Variants in SDC2 observed in about 807,000 individuals in gnomAD.
The protein encoded by SDC2 is syndecan-2.
SDC2 carries 13 observed loss-of-function variants against 22.2 expected under a neutral mutation model. The observed-to-expected ratio is 0.59, with a 90% CI of 0.38 to 0.93. The LOEUF is 0.93. Among genes scored for constraint, SDC2 ranks in the 40% least tolerant of loss-of-function variants. The pLI is 0.00. For missense variants in SDC2, 235 were observed against 246.8 expected (o/e 0.95, Z 0.32); for synonymous variants, 94 against 92.8 (o/e 1.01, Z -0.07).
chr8:96,493,992 G>T lies in SDC2; in HGVS notation c.-280G>T. ...ACAGCAGAGCAAGAAGAGCTTCAGA[G>T]AGCAGCCTTCCCGGAGCACCAACTC... On this transcript the variant is annotated 5_prime_UTR_variant, in exon 1 of 5. Coordinates refer to ENST00000302190, the MANE Select transcript of SDC2 (RefSeq NM_002998.4). The T allele has an allele frequency of 1.9e-6, 1 of 514,666 alleles. No individual in the cohort carries two copies. Among genetic ancestry groups the T allele is most frequent in the Non-Finnish European group, 3.4e-6 (1 of 295,390 alleles). The allele number at this position is 514,666 out of a possible 1,614,324, so 31.9% of individuals were successfully genotyped here.
chr8:96,523,456 A>G (rs1407502654), intron 1 of SDC2, among the ~76,000 whole-genome samples: 1 of 152,210 alleles, frequency 6.6e-6, no homozygotes, highest in East Asian at 1.9e-4. Flanking sequence ...TGCCAGGGGT[A>G]ACTCTTGGAG....
chr8:96,524,223 G>T (rs753921538), intron 1 of SDC2, among the ~76,000 whole-genome samples: 1 of 152,182 alleles, frequency 6.6e-6, no homozygotes, highest in Non-Finnish European at 1.5e-5. Context: ...GCAGCCAGAT[G>T]AACCTAAAAT....
At chr8:96,587,676 A>AT (rs1372530831) in intron 1 of SDC2, among the ~76,000 whole-genome samples, 2 of 152,080 alleles carry the variant, frequency 1.3e-5, no homozygotes, top group African/African-American at 4.8e-5. Flanking sequence ...TCTCAGTGCA[A>AT]TTTTTTCCCC....
At chr8:96,510,308 C>T (rs955541872) in intron 1 of SDC2, among the ~76,000 whole-genome samples, 3 of 152,142 alleles carry the variant, frequency 2.0e-5, no homozygotes, top group Admixed American at 6.5e-5. Flanking sequence ...TGGTTCAAGT[C>T]GCTTCAATTC....
At chr8:96,584,194 T>C (rs1413791134) in intron 1 of SDC2, among the ~76,000 whole-genome samples, 2 of 152,236 alleles carry the variant, frequency 1.3e-5, no homozygotes, top group African/African-American at 2.4e-5. Flanking sequence ...CTGAAACACT[T>C]GGAAATTCTA....
chr8:96,525,729 C>T (rs183761492), intron 1 of SDC2, among the ~76,000 whole-genome samples: 1 of 152,100 alleles, frequency 6.6e-6, no homozygotes, highest in African/African-American at 2.4e-5. Context: ...GAGGGCATCT[C>T]TTAATTTGTT....
chr8:96,592,550 C>T (rs1814798819), intron 1 of SDC2, among the ~76,000 whole-genome samples: 1 of 152,104 alleles, frequency 6.6e-6, no homozygotes, highest in Non-Finnish European at 1.5e-5. Flanking sequence ...AGTAAAATAT[C>T]AATTTACTAA....
At chr8:96,515,431 A>G (rs1813386774) in intron 1 of SDC2, among the ~76,000 whole-genome samples, 1 of 152,148 alleles carries the variant, frequency 6.6e-6, no homozygotes, top group Non-Finnish European at 1.5e-5. Context: ...CTCACAGATA[A>G]GAGGATGGAG....
At chr8:96,577,546 A>G (rs1001007963) in intron 1 of SDC2, among the ~76,000 whole-genome samples, 2 of 151,960 alleles carry the variant, frequency 1.3e-5, no homozygotes, top group African/African-American at 4.8e-5. Flanking sequence ...AGTGTGGCAC[A>G]TTTATTGGGA....
chr8:96,595,680 T>G (rs907142118), intron 2 of SDC2, among the ~76,000 whole-genome samples: 12 of 152,342 alleles, frequency 7.9e-5, no homozygotes, highest in African/African-American at 2.6e-4. Context: ...AGGTTGACCT[T>G]AAGTCTAGTT....
chr8:96,605,344 A>G (rs1416018113), intron 3 of SDC2, among the ~76,000 whole-genome samples: 2 of 152,220 alleles, frequency 1.3e-5, no homozygotes, highest in Non-Finnish European at 2.9e-5. Context: ...AACTTGTAAT[A>G]GTAAAGCAGT....
chr8:96,544,627 T>C (rs1005123779), intron 1 of SDC2, among the ~76,000 whole-genome samples: 20 of 152,156 alleles, frequency 1.3e-4, no homozygotes, highest in African/African-American at 4.8e-4. Flanking sequence ...CCTACAAGAT[T>C]GTGGTGAGCT....
chr8:96,573,995 C>T (rs1814445369), intron 1 of SDC2, among the ~76,000 whole-genome samples: 1 of 151,830 alleles, frequency 6.6e-6, no homozygotes, highest in South Asian at 2.1e-4. Context: ...ATTCCGTGTG[C>T]CTCATTTGAC....
At chr8:96,556,783 TTAAAC>T (rs1401267753) in intron 1 of SDC2, among the ~76,000 whole-genome samples, 4 of 150,598 alleles carry the variant, frequency 2.7e-5, no homozygotes, top group African/African-American at 9.7e-5. Context: ...TGGGATCTAA[TTAAAC>T]TAAAGAGCTT....
At chr8:96,603,107 A>T (rs1815021170) in intron 3 of SDC2, among the ~76,000 whole-genome samples, 1 of 152,216 alleles carries the variant, frequency 6.6e-6, no homozygotes, top group African/African-American at 2.4e-5. Flanking sequence ...TGACCAGCTA[A>T]TGAAAACTTG....
At chr8:96,608,641 T>C (rs1181694356) in intron 4 of SDC2, among the ~76,000 whole-genome samples, 171 bp downstream of exon 4, 1 of 152,242 alleles carries the variant, frequency 6.6e-6, no homozygotes, top group Admixed American at 6.5e-5. Flanking sequence ...TTGTCTTTAT[T>C]GTCTGCCAGC....
rs368195397 is a variant in SDC2 at position 96,602,392 on chromosome 8, C to G, written c.173-3C>G. 6.2e-7 allele frequency: 1 copy of G among 1,613,312 alleles called. No homozygotes were observed. The highest frequency in any genetic ancestry group is 1.3e-5 in the African/African-American group (1 of 74,990). ...CTCAGTTCATCTTCACTTACTTTTCCAGGAGCTGATGAGGATGTAGAGAGT... is the reference window on the plus strand; with the variant it reads ...CTCAGTTCATCTTCACTTACTTTTCGAGGAGCTGATGAGGATGTAGAGAGT... On this transcript the variant is annotated splice_region_variant and splice_polypyrimidine_tract_variant and intron_variant, in intron 2 of 4. Transcript: ENST00000302190.
intron 1 of SDC2, among the ~76,000 whole-genome samples, chr8:96,575,363 T>G (rs1814470002): frequency 8.8e-4 from 4 of 4,568 alleles, no homozygotes; most frequent in Admixed American, 3.0e-3. Flanking sequence ...ACCTGCGGGG[T>G]GGTGGGGGTA....
Position 96,494,227 on chromosome 8 carries a change from C to T in SDC2, c.-45C>T. ...GCGCTGGGCAGGAGGCTTCGTTTTG[C>T]CCTGGTTGCAAGCAGCGGCTGGGAG... is the stretch of plus-strand genomic sequence containing the variant. On this transcript the variant is annotated 5_prime_UTR_variant, in exon 1 of 5. Transcript: ENST00000302190. The T allele has an allele frequency of 1.3e-6, 2 of 1,534,338 alleles. No homozygotes were observed. The highest frequency in any genetic ancestry group is 1.8e-6 in the Non-Finnish European group (2 of 1,141,738).
Sources: gnomAD v4.1 joint callset for allele counts (sites outside exome capture counted in the v4.1 genomes callset) on GRCh38, gnomAD v4.1.1 for gene constraint, MANE v1.5 for transcripts, NCBI Gene and HGNC (gene_info 2026-07-23, HGNC 2026-07-21) for gene names.